Variants in LPIN1 observed in about 807,000 individuals in gnomAD.
LPIN1 encodes the protein lipin 1.
LPIN1 carries 71 observed loss-of-function variants against 107.5 expected under a neutral mutation model. That is an observed-to-expected ratio of 0.66 (90% CI 0.55 to 0.80). The LOEUF (loss-of-function observed/expected upper bound fraction) is 0.80. Ranked by LOEUF, LPIN1 falls within the 30% of genes least tolerant of loss-of-function variation. The pLI, the probability that LPIN1 is intolerant of heterozygous loss-of-function variation, is 0.00. For missense variants in LPIN1, 1,043 were observed against 1,160.6 expected, an observed-to-expected ratio of 0.90 and a Z score of 1.47; for synonymous variants, 445 against 452.6, an observed-to-expected ratio of 0.98 and a Z score of 0.21.
chr2:11,801,987 C>T, intron 14 of LPIN1, among the ~76,000 whole-genome samples: 1 of 151,902 alleles, frequency 6.6e-6, no homozygotes, highest in East Asian at 1.9e-4. Flanking sequence ...TCTAACCTTG[C>T]CTAGAGGAAG....
chr2:11,692,738 C>A (rs13387137), intron 1 of LPIN1, among the ~76,000 whole-genome samples: 20,826 of 152,144 alleles, frequency 0.14, 1,526 homozygotes, highest in East Asian at 0.28. Context: ...GGACAAAAAT[C>A]ATTTAAATTG....
intron 1 of LPIN1, among the ~76,000 whole-genome samples, chr2:11,735,149 G>T (rs559704992): frequency 6.6e-6 from 1 of 152,044 alleles, no homozygotes; most frequent in Non-Finnish European, 1.5e-5. Flanking sequence ...AAAATTAGCC[G>T]GGCATGGTGG....
rs965095707 is a variant in LPIN1, at chr2:11,772,964, C to T, written c.597-656C>T. Among the ~76,000 whole-genome samples the T allele has an allele frequency of 3.9e-5, 6 of 152,106 alleles. No homozygotes were observed. In the South Asian group the frequency reaches 8.3e-4, roughly 21 times the overall value. ...TAACCTGTGACAGGCTTAGAACCAGCGTCATTGGGCTTCTTATAATTGCCT... is the reference window on the plus strand; with the variant it reads ...TAACCTGTGACAGGCTTAGAACCAGTGTCATTGGGCTTCTTATAATTGCCT... On this transcript the variant is annotated intron_variant, in intron 4 of 20. Transcript: ENST00000674199.
Position 11,693,672 on chromosome 2 carries a change from G to T in LPIN1, c.81+15944G>T, listed in dbSNP as rs553697276. Among the ~76,000 whole-genome samples, 3 of 151,048 alleles carry T rather than the reference G, an allele frequency of 2.0e-5. No homozygotes were observed. In the South Asian group the frequency reaches 6.3e-4, roughly 32 times the overall value. ...CAATTTCCTCATCTTCAATGGGGGTGGCAATGATATTTGCTGTACCTCCCT... is the reference window on the plus strand; with the variant it reads ...CAATTTCCTCATCTTCAATGGGGGTTGCAATGATATTTGCTGTACCTCCCT... On this transcript the variant is annotated intron_variant, in intron 1 of 21. Coordinates refer to the LPIN1 transcript ENST00000449576.
exon 1 of LPIN1, chr2:11,677,688 C>A (rs1661500466): frequency 1.3e-6 from 2 of 1,535,616 alleles, no homozygotes; most frequent in Admixed American, 2.0e-5. Context: ...AGCTGGGAGA[C>A]CTCGCAGGGC....
At position 11,774,815 on chromosome 2, in the gene LPIN1, C is replaced by T. The variant is rs13412852; in HGVS notation, c.722+1070C>T. ...TGGTTTCCAGCCAATACTGATGTCG[C>T]GGGTTAGTCCAGCAGGCTGAGGCTG... On this transcript the variant is annotated intron_variant, in intron 5 of 20. Transcript: ENST00000674199. This position sits in a 1 kb window ranked among gnomAD's most constrained non-coding sequence, Gnocchi z 4.4. 0.26 allele frequency among the ~76,000 whole-genome samples: 39,907 copies of T among 152,030 alleles called. 6,105 individuals carry two copies. Among genetic ancestry groups the T allele is most frequent in the Middle Eastern group, 0.34 (100 of 292 alleles).
intron 13 of LPIN1, 173 bp downstream of exon 13, chr2:11,792,179 G>A (rs1274956912): frequency 1.8e-5 from 11 of 626,244 alleles, no homozygotes; most frequent in Admixed American, 8.8e-5. Context: ...GGGGAAGGTG[G>A]GGAGGAAGGT....
At chr2:11,739,666 A>G (rs1666139183) in intron 1 of LPIN1, among the ~76,000 whole-genome samples, 1 of 152,248 alleles carries the variant, frequency 6.6e-6, no homozygotes, top group Non-Finnish European at 1.5e-5. Flanking sequence ...GTTTAAAGGA[A>G]TATAATAAAA....
Position 11,825,766 on chromosome 2 carries a change from T to TA in LPIN1, c.*975_*976insA, listed in dbSNP as rs1461275626. The stretch of plus-strand genomic sequence containing the variant: ...TTTTAAGAAAATAGTTTCAAGAAGT[T>TA]CAACTATATTCTTTTAGATATTATG... On this transcript the variant is annotated 3_prime_UTR_variant, in exon 21 of 21. Coordinates refer to ENST00000674199, the MANE Select transcript of LPIN1 (RefSeq NM_001349206.2). The surrounding 1 kb of genome is among the most constrained non-coding windows in gnomAD (Gnocchi z 4.1). 1.3e-5 allele frequency: 2 copies of TA among 152,372 alleles called. No individual in the cohort carries two copies. Among genetic ancestry groups the TA allele is most frequent in the Admixed American group, 1.3e-4 (2 of 15,310 alleles). The allele number at this position is 152,372 out of a possible 1,614,324, so 9.4% of individuals were successfully genotyped here. A position where few individuals can be genotyped will look rare whatever the true frequency, so the allele number is the denominator to read the frequency against.
At chr2:11,812,949 C>T (rs948645030) in intron 17 of LPIN1, among the ~76,000 whole-genome samples, 11 of 152,022 alleles carry the variant, frequency 7.2e-5, no homozygotes, top group Non-Finnish European at 1.6e-4. Flanking sequence ...GATTGTGTGG[C>T]GTGGGGGCTG....
intron 1 of LPIN1, among the ~76,000 whole-genome samples, chr2:11,755,592 AAGAT>A (rs1668550161): frequency 6.6e-6 from 1 of 152,132 alleles, no homozygotes; most frequent in Admixed American, 6.5e-5. Flanking sequence ...TTGAGGCTGA[AAGAT>A]AGAGTTGTGT....
intron 17 of LPIN1, among the ~76,000 whole-genome samples, chr2:11,811,105 C>T (rs978363628): frequency 2.0e-5 from 3 of 152,190 alleles, no homozygotes; most frequent in Non-Finnish European, 4.4e-5. Context: ...TGTTGGTTTT[C>T]CCCAAGCACC....
intron 1 of LPIN1, among the ~76,000 whole-genome samples, chr2:11,762,197 G>A (rs1012713040): frequency 2.0e-5 from 3 of 152,120 alleles, no homozygotes. Flanking sequence ...ATGCAACTCC[G>A]GAGTAGCCAG....
At chr2:11,699,998 G>A (rs1205430265) in intron 1 of LPIN1, among the ~76,000 whole-genome samples, 1 of 152,146 alleles carries the variant, frequency 6.6e-6, no homozygotes, top group Non-Finnish European at 1.5e-5. Context: ...TTGACTCTGG[G>A]AAGCACCTGG....
At position 11,765,405 on chromosome 2, in the gene LPIN1, C is replaced by T. The variant is rs1449283129; in HGVS notation, c.-9-128C>T. The T allele has an allele frequency of 6.9e-6, 6 of 870,246 alleles. No individual in the cohort carries two copies. Among genetic ancestry groups the T allele is most frequent in the Admixed American group, 2.4e-5 (1 of 41,666 alleles). The allele number at this position is 870,246 out of a possible 1,614,324, so 53.9% of individuals were successfully genotyped here. On this transcript the variant is annotated intron_variant, in intron 1 of 20. Coordinates refer to ENST00000674199, the MANE Select transcript of LPIN1 (RefSeq NM_001349206.2). This position sits in a 1 kb window ranked among gnomAD's most constrained non-coding sequence, Gnocchi z 4.4. ...CTATGGGGGTGGATAGAACACATTC[C>T]GGAAATGAGAGGAGCTGAAAGTTGA...
intron 1 of LPIN1, among the ~76,000 whole-genome samples, chr2:11,727,154 C>T (rs529186065): frequency 1.8e-4 from 28 of 152,292 alleles, no homozygotes; most frequent in African/African-American, 6.5e-4. Flanking sequence ...CTTAGCTTCC[C>T]TTAGTGGATC....
chr2:11,726,014 TA>T (rs538587968), intron 1 of LPIN1, among the ~76,000 whole-genome samples: 178 of 152,296 alleles, frequency 1.2e-3, no homozygotes, highest in Non-Finnish European at 1.9e-3. Context: ...CTGGCAGCGT[TA>T]TTGCTGGAGT....
chr2:11,696,780 G>A lies in LPIN1; in HGVS notation c.82-16976G>A, dbSNP rs114652565. Among the ~76,000 whole-genome samples the A allele has an allele frequency of 6.5e-3, 989 of 152,356 alleles. 14 individuals carry two copies. The highest frequency in any genetic ancestry group is 0.023 in the African/African-American group (955 of 41,578). On this transcript the variant is annotated intron_variant, in intron 1 of 21. Transcript: ENST00000449576. ...CATGGCACCACTGATCCCAGCAGTG[G>A]CCCGAGGGAGCTCCTTCCTGCTGCT...
intron 9 of LPIN1, chr2:11,784,454 C>A (rs1674138476): frequency 9.1e-7 from 1 of 1,101,520 alleles, no homozygotes; most frequent in Admixed American, 4.6e-5. Context: ...GCCCTCCCTG[C>A]AAAGCCTGAG....
Sources: allele counts gnomAD v4.1 joint callset (sites outside exome capture counted in the v4.1 genomes callset), GRCh38; gene constraint gnomAD v4.1.1; non-coding constraint Gnocchi (gnomAD v3.1); transcripts MANE v1.5; gene names NCBI Gene and HGNC (gene_info 2026-07-23, HGNC 2026-07-21).